The following BCL9 variants were observed in gnomAD, a reference collection of about 807,000 sequenced individuals.
BCL9 encodes the protein BCL9 transcription coactivator.
BCL9 carries 25 observed loss-of-function variants against 88.5 expected under a neutral mutation model. The observed-to-expected ratio is 0.28, with a 90% CI of 0.21 to 0.39. The LOEUF (loss-of-function observed/expected upper bound fraction) is 0.39, where lower values mean the gene tolerates loss of function less well. Among genes scored for constraint, BCL9 ranks in the 10% least tolerant of loss-of-function variants. BCL9 has a pLI of 1.00. For synonymous variants in BCL9, 711 were observed against 673.3 expected (o/e 1.06, Z -0.87); for missense variants, 1,817 against 1,877.8 (o/e 0.97, Z 0.60).
rs782248393 is a variant in BCL9, at chr1:147,619,238, C to T, written c.1083C>T (p.Arg361=). The T allele has an allele frequency of 6.2e-7, 1 of 1,614,196 alleles. No individual in the cohort carries two copies. Residue 361 remains arginine, a synonymous_variant, in exon 8 of 10, where the codon CGC becomes CGT. Coordinates refer to ENST00000234739, the MANE Select transcript of BCL9 (RefSeq NM_004326.4). The surrounding 1 kb of genome is among the most constrained non-coding windows in gnomAD (Gnocchi z 4.1). ...AGGAGCAGCTGGAGCACCGGGAGCG[C>T]TCCTTACAAACTCTCAGAGATATCC... The part of the protein sequence containing the change: ...LSQEQLEHRE[R]SLQTLRDIQR...
At chr1:147,544,114 C>T (rs1468277949) in intron 1 of BCL9, among the ~76,000 whole-genome samples, 1 of 152,132 alleles carries the variant, frequency 6.6e-6, no homozygotes, top group South Asian at 2.1e-4. Context: ...GCAGATATAC[C>T]CCTGCCCTCA....
intron 1 of BCL9, among the ~76,000 whole-genome samples, chr1:147,602,523 T>C (rs1360491843): frequency 6.6e-6 from 1 of 152,172 alleles, no homozygotes; most frequent in Non-Finnish European, 1.5e-5. Flanking sequence ...AAGAGAAATT[T>C]TAATGTAAAT....
At position 147,619,056 on chromosome 1, in the gene BCL9, G is replaced by A. The variant is rs1367216552; in HGVS notation, c.901G>A (p.Asp301Asn). The change falls in exon 8 of 10, where the codon GAT becomes AAT. Residue 301 changes from aspartate (D) to asparagine (N), a missense_variant. Transcript: ENST00000234739. This position sits in a 1 kb window ranked among gnomAD's most constrained non-coding sequence, Gnocchi z 4.1. ...SPASSTPLPP[D>N]GTGPNSTPNN... The stretch of plus-strand genomic sequence containing the variant: ...TGCCAGCTCCACTCCACTGCCCCCA[G>A]ATGGTACTGGGCCCAACTCAACTCC... 1.9e-6 allele frequency: 3 copies of A among 1,612,018 alleles called. No homozygotes were observed. The highest frequency in any genetic ancestry group is 2.5e-6 in the Non-Finnish European group (3 of 1,179,002).
In BCL9 at chr1:147,614,662, G is replaced by A. The variant is rs145885997; in HGVS notation, c.560+46G>A. Reference sequence around the variant, plus strand: ...TGCTGTTGGGCAGGGCTTGTCTGGGGACCTAAATTCTTATTCCCATTGCAG... The same window carrying A: ...TGCTGTTGGGCAGGGCTTGTCTGGGAACCTAAATTCTTATTCCCATTGCAG... On this transcript the variant is annotated intron_variant, in intron 6 of 9. Coordinates refer to ENST00000234739, the MANE Select transcript of BCL9 (RefSeq NM_004326.4). 5.0e-5 allele frequency: 76 copies of A among 1,519,262 alleles called. No homozygotes were observed. In the East Asian group the frequency reaches 1.7e-3, roughly 34 times the overall value. The allele number at this position is 1,519,262 out of a possible 1,614,324, so 94.1% of individuals were successfully genotyped here.
At chr1:147,615,723 G>T (rs1381075497) in intron 6 of BCL9, 80 bp from the exon 7 acceptor site, 1 of 1,093,676 alleles carries the variant, frequency 9.1e-7, no homozygotes, top group Non-Finnish European at 1.4e-6. Context: ...CAAGTTTATT[G>T]TGTGGTTAAA....
At chr1:147,556,031 A>C (rs1183981767) in intron 1 of BCL9, among the ~76,000 whole-genome samples, 2 of 152,216 alleles carry the variant, frequency 1.3e-5, no homozygotes, top group Non-Finnish European at 2.9e-5. Context: ...CAGGAAGGGC[A>C]TGAAGGTGTC....
At chr1:147,551,844 G>A (rs1654918182) in intron 1 of BCL9, among the ~76,000 whole-genome samples, 1 of 152,172 alleles carries the variant, frequency 6.6e-6, no homozygotes, top group Non-Finnish European at 1.5e-5. Context: ...TCCTGTTACA[G>A]CAGCAGAAAA....
intron 1 of BCL9, among the ~76,000 whole-genome samples, chr1:147,548,533 T>C (rs926850951): frequency 6.6e-6 from 1 of 152,224 alleles, no homozygotes; most frequent in Admixed American, 6.5e-5. Context: ...TATGCACTTA[T>C]GTGGCTCTTA....
chr1:147,626,039 AAC>A lies in BCL9; in HGVS notation c.*1082_*1083del, dbSNP rs1209027638. ...GTGAATTTTATTAATGTGGGAGTGG[AAC>A]AGATGCTAAAAGCTATCCAGGATTT... On this transcript the variant is annotated 3_prime_UTR_variant, in exon 10 of 10. Coordinates refer to ENST00000234739, the MANE Select transcript of BCL9 (RefSeq NM_004326.4). 15 of 226,224 alleles carry A rather than the reference AAC, an allele frequency of 6.6e-5. No homozygotes were observed. Among genetic ancestry groups the A allele is most frequent in the Non-Finnish European group, 1.3e-4 (15 of 113,448 alleles). 14.0% of individuals were successfully genotyped at this position (226,224 alleles called of 1,614,324 possible).
intron 1 of BCL9, among the ~76,000 whole-genome samples, chr1:147,578,637 A>G (rs1437770642): frequency 3.3e-5 from 5 of 152,206 alleles, no homozygotes; most frequent in Non-Finnish European, 7.3e-5. Flanking sequence ...TGAATTTCTG[A>G]CAATTTCCTA....
At chr1:147,563,739 T>C (rs1655483770) in intron 1 of BCL9, among the ~76,000 whole-genome samples, 1 of 152,250 alleles carries the variant, frequency 6.6e-6, no homozygotes, top group Non-Finnish European at 1.5e-5. Flanking sequence ...TTTTGGAATT[T>C]CTATTTTAGA....
chr1:147,580,428 G>C (rs1453507558), intron 1 of BCL9, among the ~76,000 whole-genome samples: 4 of 152,194 alleles, frequency 2.6e-5, no homozygotes, highest in Admixed American at 2.6e-4. Flanking sequence ...TTTGTGGGTA[G>C]AAGATTCTCC....
At position 147,620,217 on chromosome 1, in the gene BCL9, CCTT is replaced by C. The variant is rs1557861429; in HGVS notation, c.2065_2067del (p.Ser689del). On this transcript the variant is annotated inframe_deletion, in exon 8 of 10. Transcript: ENST00000234739. ...AATACCAGTTGAGGGCCCTCTGAGTCCTTCTAGGGGTGACTTTCCAAAAGGAAT... is the reference window on the plus strand; with the variant it reads ...AATACCAGTTGAGGGCCCTCTGAGTCCTAGGGGTGACTTTCCAAAAGGAAT... 1.2e-6 allele frequency: 2 copies of C among 1,613,882 alleles called. No individual in the cohort carries two copies. The highest frequency in any genetic ancestry group is 1.3e-5 in the African/African-American group (1 of 74,912).
At chr1:147,617,375 G>T (rs1327863724) in intron 7 of BCL9, among the ~76,000 whole-genome samples, 1 of 152,118 alleles carries the variant, frequency 6.6e-6, no homozygotes, top group African/African-American at 2.4e-5. Flanking sequence ...TATGAAATCA[G>T]TATCCACCCA....
At chr1:147,602,746 A>G (rs1570890511) in intron 1 of BCL9, among the ~76,000 whole-genome samples, 1 of 152,336 alleles carries the variant, frequency 6.6e-6, no homozygotes, top group East Asian at 1.9e-4. Flanking sequence ...AGGCAAGTGT[A>G]TGTCACTTGC....
chr1:147,542,867 C>T (rs2101447821), intron 1 of BCL9, among the ~76,000 whole-genome samples: 1 of 152,236 alleles, frequency 6.6e-6, no homozygotes, highest in African/African-American at 2.4e-5. Context: ...CTGGGGCTGG[C>T]AGGGCATGCA....
At chr1:147,548,982 T>TTTC (rs1654752337) in intron 1 of BCL9, among the ~76,000 whole-genome samples, 1 of 127,828 alleles carries the variant, frequency 7.8e-6, no homozygotes, top group African/African-American at 3.7e-5. Flanking sequence ...TTTCTTTCTT[T>TTTC]TTTTTTTTTT....
At chr1:147,545,810 T>A (rs587746282) in intron 1 of BCL9, among the ~76,000 whole-genome samples, 82 of 152,334 alleles carry the variant, frequency 5.4e-4, no homozygotes, top group Admixed American at 1.5e-3. Flanking sequence ...CTTTAAAATA[T>A]CTGCTTAGTC....
intron 3 of BCL9, among the ~76,000 whole-genome samples, chr1:147,608,271 C>G (rs587769571): frequency 6.7e-6 from 1 of 149,380 alleles, no homozygotes; most frequent in Non-Finnish European, 1.5e-5. Context: ...GTCTCGTCAA[C>G]TCTGTGGAGA....
Sources: allele counts gnomAD v4.1 joint callset (sites outside exome capture counted in the v4.1 genomes callset), GRCh38; gene constraint gnomAD v4.1.1; non-coding constraint Gnocchi (gnomAD v3.1); transcripts MANE v1.5; gene names NCBI Gene and HGNC (gene_info 2026-07-23, HGNC 2026-07-21).